PTPRD: variants seen among roughly 807,000 people sequenced by gnomAD.
The protein encoded by PTPRD is receptor-type tyrosine-protein phosphatase delta.
In PTPRD, 34 loss-of-function variants were observed where a neutral mutation model predicts 214.5. That is an observed-to-expected ratio of 0.16 (90% CI 0.12 to 0.21). PTPRD has a LOEUF of 0.21. Among genes scored for constraint, PTPRD ranks in the 10% least tolerant of loss-of-function variants. The pLI is 1.00. For missense variants in PTPRD, 2,545 were observed against 2,398.7 expected (o/e 1.06, Z -1.27); for synonymous variants, 1,128 against 845.7 (o/e 1.33, Z -5.79).
chr9:10,323,957 G>C (rs7851619), intron 3 of PTPRD, among the ~76,000 whole-genome samples: 44,081 of 151,902 alleles, frequency 0.29, 7,860 homozygotes, highest in African/African-American at 0.5. Context: ...GAATTAACTT[G>C]TGAGAATTTT....
intron 27 of PTPRD, among the ~76,000 whole-genome samples, chr9:8,491,264 T>A (rs570992424): frequency 3.3e-5 from 5 of 152,324 alleles, no homozygotes; most frequent in African/African-American, 1.2e-4. Context: ...GAATTCTATA[T>A]GTGAATAAGT....
intron 10 of PTPRD, among the ~76,000 whole-genome samples, chr9:9,155,147 C>G (rs538640949): frequency 6.6e-6 from 1 of 152,268 alleles, no homozygotes; most frequent in Admixed American, 6.5e-5. Flanking sequence ...TAGGCCTGCT[C>G]TAAGATGCAT....
At chr9:8,757,851 C>T (rs1056508927) in intron 11 of PTPRD, among the ~76,000 whole-genome samples, 7 of 152,032 alleles carry the variant, frequency 4.6e-5, no homozygotes, top group East Asian at 3.8e-4. Context: ...CAATTTTGAC[C>T]TGTATGGCAT....
At chr9:9,331,020 T>A (rs1434590504) in intron 9 of PTPRD, among the ~76,000 whole-genome samples, 2 of 151,798 alleles carry the variant, frequency 1.3e-5, no homozygotes, top group East Asian at 3.9e-4. Flanking sequence ...TTGCATGGAA[T>A]AAAAAATCCT....
At chr9:9,311,244 G>C (rs767684247) in intron 9 of PTPRD, among the ~76,000 whole-genome samples, 1 of 152,070 alleles carries the variant, frequency 6.6e-6, no homozygotes, top group Non-Finnish European at 1.5e-5. Context: ...GATTACATAA[G>C]AGGTTACAAA....
intron 33 of PTPRD, among the ~76,000 whole-genome samples, chr9:8,459,699 T>C (rs888610452): frequency 6.6e-6 from 1 of 152,060 alleles, no homozygotes; most frequent in African/African-American, 2.4e-5. Context: ...TAGACACAGA[T>C]TATTTGCATC....
chr9:10,314,169 T>C (rs1233992946), intron 3 of PTPRD, among the ~76,000 whole-genome samples: 1 of 151,914 alleles, frequency 6.6e-6, no homozygotes, highest in Non-Finnish European at 1.5e-5. Flanking sequence ...TGTAGAAATA[T>C]TAATATGGTA....
rs1242345377 is a variant in PTPRD at position 9,606,070 on chromosome 9, G to T, written c.-286-31289C>A. ...AGTTTCTTTTAAGAGTGGCCTTGAA[G>T]ACTAGAATGAATTTTCCTAGATGTA... On this transcript the variant is annotated intron_variant, in intron 7 of 45. Transcript: ENST00000381196. Among the ~76,000 whole-genome samples, 4 of 152,028 alleles carry T rather than the reference G, an allele frequency of 2.6e-5. No individual in the cohort carries two copies. In the East Asian group the frequency reaches 7.7e-4, roughly 29 times the overall value.
chr9:10,549,106 T>C (rs2060761272), intron 2 of PTPRD, among the ~76,000 whole-genome samples: 1 of 152,206 alleles, frequency 6.6e-6, no homozygotes, highest in Admixed American at 6.6e-5. Flanking sequence ...ACACTTTGTC[T>C]TATCAATATA....
intron 3 of PTPRD, among the ~76,000 whole-genome samples, chr9:10,038,108 G>C (rs1428427726): frequency 6.6e-6 from 1 of 152,084 alleles, no homozygotes; most frequent in Non-Finnish European, 1.5e-5. Context: ...TACTGAACAT[G>C]AGTACCATTT....
chr9:9,299,957 G>A (rs1954634430), intron 9 of PTPRD, among the ~76,000 whole-genome samples: 2 of 149,532 alleles, frequency 1.3e-5, no homozygotes, highest in South Asian at 2.1e-4. Flanking sequence ...TCCACAGTAT[G>A]TACATAGTTA....
chr9:9,582,486 A>C (rs2091048656), intron 7 of PTPRD, among the ~76,000 whole-genome samples: 2 of 152,090 alleles, frequency 1.3e-5, no homozygotes, highest in Non-Finnish European at 2.9e-5. Context: ...GTTATCTCAG[A>C]CTTGGATGAA....
At chr9:9,856,057 A>G (rs1437291446) in intron 5 of PTPRD, among the ~76,000 whole-genome samples, 2 of 152,168 alleles carry the variant, frequency 1.3e-5, no homozygotes, top group Admixed American at 6.5e-5. Context: ...ATTGCTGATG[A>G]AAGTGGCCCT....
At chr9:10,061,809 G>A (rs2097781524) in intron 3 of PTPRD, among the ~76,000 whole-genome samples, 1 of 152,078 alleles carries the variant, frequency 6.6e-6, no homozygotes, top group Non-Finnish European at 1.5e-5. Context: ...TTTGGGGATT[G>A]TAATGATCAG....
At chr9:8,368,080 G>T (rs550343004) in intron 39 of PTPRD, among the ~76,000 whole-genome samples, 2 of 152,272 alleles carry the variant, frequency 1.3e-5, no homozygotes, top group Admixed American at 6.5e-5. Flanking sequence ...GCAGCTCTAT[G>T]TGCTAGGAGC....
At chr9:10,359,485 T>C (rs2097337162) in intron 2 of PTPRD, among the ~76,000 whole-genome samples, 1 of 152,104 alleles carries the variant, frequency 6.6e-6, no homozygotes, top group Non-Finnish European at 1.5e-5. Context: ...TTTTGTCACT[T>C]TTAAATCTCA....
chr9:8,595,849 T>C (rs2094448851), intron 14 of PTPRD, among the ~76,000 whole-genome samples: 1 of 152,216 alleles, frequency 6.6e-6, no homozygotes, highest in African/African-American at 2.4e-5. Flanking sequence ...TCCTGCTCTA[T>C]GTGTCTCTCT....
At chr9:9,984,313 T>C (rs890076600) in intron 4 of PTPRD, among the ~76,000 whole-genome samples, 4 of 152,178 alleles carry the variant, frequency 2.6e-5, no homozygotes, top group Non-Finnish European at 5.9e-5. Context: ...AACTTTTCTA[T>C]CTCTGGTACT....
intron 11 of PTPRD, among the ~76,000 whole-genome samples, chr9:8,958,280 G>A (rs996319877): frequency 4.6e-5 from 7 of 151,888 alleles, no homozygotes; most frequent in African/African-American, 1.7e-4. Flanking sequence ...CAAGGAAGAT[G>A]TGGGGACACA....
Sources: allele counts gnomAD v4.1 joint callset (sites outside exome capture counted in the v4.1 genomes callset), GRCh38; gene constraint gnomAD v4.1.1; transcripts MANE v1.5; gene names NCBI Gene and HGNC (gene_info 2026-07-23, HGNC 2026-07-21).